KIF1A: variants seen among roughly 807,000 people sequenced by gnomAD.
KIF1A encodes kinesin-like protein KIF1A.
Under a neutral mutation model 227.3 loss-of-function variants are expected in KIF1A, and 46 were observed. The ratio of observed to expected loss-of-function variants is 0.20; its 90% CI spans 0.16 to 0.26. The LOEUF is 0.26. Among genes scored for constraint, KIF1A ranks in the 10% least tolerant of loss-of-function variants. The pLI is 1.00. For missense variants in KIF1A, 1,683 were observed against 2,485.9 expected (o/e 0.68, Z 6.87); for synonymous variants, 1,022 against 1,012.8 (o/e 1.01, Z -0.17).
chr2:240,732,095 A>C (rs1575537202), intron 38 of KIF1A, among the ~76,000 whole-genome samples: 1 of 29,038 alleles, frequency 3.4e-5, no homozygotes, highest in African/African-American at 1.5e-4. Context: ...GGAGGAGGGG[A>C]GGAGAGAATG....
intron 46 of KIF1A, 90 bp from the exon 47 acceptor site, chr2:240,719,288 C>T: frequency 2.8e-6 from 4 of 1,407,586 alleles, no homozygotes; most frequent in Non-Finnish European, 3.8e-6. Flanking sequence ...AGCTGGGACG[C>T]AGCAGTGCCA....
At position 240,816,224 on chromosome 2, in the gene KIF1A, G is replaced by A. The variant is rs147040647; in HGVS notation, c.-61+3898C>T. ...TGCGTGCATAAGCATGTGTGTATGT[G>A]TGTTTGTATGTGAATGTATGTGTGG... On this transcript the variant is annotated intron_variant, in intron 1 of 48. Transcript: ENST00000498729. 2.6e-5 allele frequency among the ~76,000 whole-genome samples: 4 copies of A among 152,146 alleles called. No individual in the cohort carries two copies. In the East Asian group the frequency reaches 7.7e-4, roughly 29 times the overall value.
Position 240,789,764 on chromosome 2 carries a change from G to A in KIF1A, c.107-452C>T, listed in dbSNP as rs936629734. Among the ~76,000 whole-genome samples the A allele has an allele frequency of 5.3e-5, 8 of 152,224 alleles. No individual in the cohort carries two copies. Among genetic ancestry groups the A allele is most frequent in the African/African-American group, 9.6e-5 (4 of 41,536 alleles). On this transcript the variant is annotated intron_variant, in intron 2 of 48. Coordinates refer to ENST00000498729, the MANE Select transcript of KIF1A (RefSeq NM_001244008.2). This position sits in a 1 kb window ranked among gnomAD's most constrained non-coding sequence, Gnocchi z 4.8. ...CGCTGGAAGCCTGGGCGTCCATCACGTTTGTGTTACGCCTGTGCGGTTCTT... is the reference window on the plus strand; with the variant it reads ...CGCTGGAAGCCTGGGCGTCCATCACATTTGTGTTACGCCTGTGCGGTTCTT...
intron 12 of KIF1A, 77 bp downstream of exon 12, chr2:240,774,106 C>T (rs1198880229): frequency 1.1e-6 from 1 of 930,252 alleles, no homozygotes; most frequent in African/African-American, 1.6e-5. Context: ...ACTGGTGCTT[C>T]CTAATTCAAG....
At chr2:240,730,100 T>C (rs955545730) in intron 38 of KIF1A, among the ~76,000 whole-genome samples, 1 of 152,080 alleles carries the variant, frequency 6.6e-6, no homozygotes, top group African/African-American at 2.4e-5. Flanking sequence ...CACTCCTTAG[T>C]CCCCCTATGC....
chr2:240,784,718 C>T (rs1439845127), intron 7 of KIF1A, among the ~76,000 whole-genome samples: 1 of 152,104 alleles, frequency 6.6e-6, no homozygotes, highest in African/African-American at 2.4e-5. Flanking sequence ...CTGCCCCTCC[C>T]GTAAGCCTGG....
rs1349939586 is a variant in KIF1A, at chr2:240,763,153, G to T, written c.1949+13C>A. On this transcript the variant is annotated intron_variant, in intron 21 of 48. Transcript: ENST00000498729. ...GAGGGGCAGCAGGCAGTTGGGGGTG[G>T]CCTCCGCCTCACCTCTGCTCCATCT... The T allele has an allele frequency of 1.2e-6, 2 of 1,606,882 alleles. No individual in the cohort carries two copies. Among genetic ancestry groups the T allele is most frequent in the African/African-American group, 2.7e-5 (2 of 75,008 alleles).
rs61744930 is a variant in KIF1A at position 240,788,180 on chromosome 2, G to T, written c.234C>A (p.Gly78=). The T allele has an allele frequency of 2.2e-5, 35 of 1,613,692 alleles. No individual in the cohort carries two copies. The highest frequency in any genetic ancestry group is 5.3e-5 in the African/African-American group (4 of 74,898). The change falls in exon 4 of 49, where the codon GGC becomes GGA. Residue 78 remains glycine, a synonymous_variant. Coordinates refer to ENST00000498729, the MANE Select transcript of KIF1A (RefSeq NM_001244008.2). This position sits in a 1 kb window ranked among gnomAD's most constrained non-coding sequence, Gnocchi z 6.6. ...CAAAGGCATGCTGCAGCATCTCCTCGCCGATGTCCCGGTACACCTGCTTCT... is the reference window on the plus strand; with the variant it reads ...CAAAGGCATGCTGCAGCATCTCCTCTCCGATGTCCCGGTACACCTGCTTCT... ...ASQKQVYRDI[G]EEMLQHAFEG... is the part of the protein sequence containing the mutation.
At chr2:240,737,280 G>A (rs535086399) in intron 37 of KIF1A, 112 bp from the exon 38 acceptor site, 7 of 820,190 alleles carry the variant, frequency 8.5e-6, no homozygotes, top group Non-Finnish European at 1.5e-5. Context: ...ATGGTCACTA[G>A]AGCGTCTGTC....
At chr2:240,773,416 G>A (rs975091541) in intron 12 of KIF1A, among the ~76,000 whole-genome samples, 160 bp from the exon 13 acceptor site, 47 of 152,124 alleles carry the variant, frequency 3.1e-4, no homozygotes, top group South Asian at 4.1e-4. Flanking sequence ...GTGAGAAATC[G>A]CCCCCATGGC....
At position 240,785,008 on chromosome 2, in the gene KIF1A, G is replaced by C. The variant is rs779509771; in HGVS notation, c.701C>G (p.Thr234Ser). Residue 234 changes from threonine to serine, a missense_variant, in exon 7 of 49, where the codon ACC (threonine) becomes AGC (serine). Around this residue, in one of 12 missense-constraint regions of KIF1A, gnomAD observed 21 missense variants for 35.2 expected, o/e 0.60. Transcript: ENST00000498729. Reference protein sequence around the residue: ...IFTQKRHDAETNITTEKVSKI... With the variant: ...IFTQKRHDAESNITTEKVSKI... The stretch of plus-strand genomic sequence containing the variant: ...ACTCACCTTCTCCGTGGTGATATTG[G>C]TCTCTGCGTCATGGCGCTTCTGGGT... The C allele has an allele frequency of 1.2e-6, 2 of 1,613,514 alleles. No homozygotes were observed. Among genetic ancestry groups the C allele is most frequent in the South Asian group, 2.2e-5 (2 of 91,080 alleles).
chr2:240,721,745 G>C (rs2045415084), intron 44 of KIF1A, 62 bp downstream of exon 44: 26 of 1,341,924 alleles, frequency 1.9e-5, no homozygotes, highest in Non-Finnish European at 2.4e-5. Flanking sequence ...TTTCCTCAGG[G>C]ACCACTGCCT....
chr2:240,742,789 G>C lies in KIF1A; in HGVS notation c.3640+140C>G, dbSNP rs1319642891. On this transcript the variant is annotated intron_variant, in intron 34 of 48. Coordinates refer to ENST00000498729, the MANE Select transcript of KIF1A (RefSeq NM_001244008.2). ...CATGGGGACCCCGTGAGGCCTGACAGGCTCAGGGTGGCGCCAGAGTGCCTG... is the reference window on the plus strand; with the variant it reads ...CATGGGGACCCCGTGAGGCCTGACACGCTCAGGGTGGCGCCAGAGTGCCTG... 16 of 735,264 alleles carry C rather than the reference G, an allele frequency of 2.2e-5. No homozygotes were observed. In the East Asian group the frequency reaches 4.4e-4, roughly 20 times the overall value. 45.5% of individuals were successfully genotyped at this position (735,264 alleles called of 1,614,324 possible).
intron 16 of KIF1A, 28 bp downstream of exon 16, chr2:240,769,599 C>G: frequency 1.3e-6 from 2 of 1,599,640 alleles, no homozygotes; most frequent in Non-Finnish European, 1.7e-6. Context: ...CACCCCTCCC[C>G]CTGGGCCTCA....
chr2:240,764,810 C>T (rs544012602), intron 20 of KIF1A, among the ~76,000 whole-genome samples: 5 of 152,228 alleles, frequency 3.3e-5, no homozygotes, highest in African/African-American at 7.2e-5. Flanking sequence ...CTCATCCAAG[C>T]AGGTGAAGAC....
At position 240,787,971 on chromosome 2, in the gene KIF1A, G is replaced by A. The variant is rs1339582298; in HGVS notation, c.363+80C>T. The stretch of plus-strand genomic sequence containing the variant: ...TGCTCTCTGGGGGCTGCTCTCAGGG[G>A]TGCCTGGCCCGGAGCTCTCAGCCTC... On this transcript the variant is annotated intron_variant, in intron 4 of 48. Transcript: ENST00000498729. 4 of 1,359,572 alleles carry A rather than the reference G, an allele frequency of 2.9e-6. No individual in the cohort carries two copies. In the Admixed American group the frequency reaches 6.2e-5, roughly 21 times the overall value. 84.2% of individuals were successfully genotyped at this position (1,359,572 alleles called of 1,614,324 possible).
intron 17 of KIF1A, among the ~76,000 whole-genome samples, chr2:240,768,483 C>T (rs2125933297): frequency 6.6e-6 from 1 of 152,356 alleles, no homozygotes; most frequent in East Asian, 1.9e-4. Context: ...CATGTCCTGG[C>T]CATCTTTGGG....
chr2:240,725,262 G>T lies in KIF1A; in HGVS notation c.4256+9C>A. 6.3e-7 allele frequency: 1 copy of T among 1,593,082 alleles called. No homozygotes were observed. On this transcript the variant is annotated intron_variant, in intron 40 of 48. Coordinates refer to ENST00000498729, the MANE Select transcript of KIF1A (RefSeq NM_001244008.2). The surrounding 1 kb of genome is among the most constrained non-coding windows in gnomAD (Gnocchi z 5.8). ...GGAGTCCATGTGGTCCTCACCCCTGGGAGCTTACCTCTCTGAGGCCCGAAG... is the reference window on the plus strand; with the variant it reads ...GGAGTCCATGTGGTCCTCACCCCTGTGAGCTTACCTCTCTGAGGCCCGAAG...
intron 33 of KIF1A, 130 bp from the exon 34 acceptor site, chr2:240,743,114 A>G: frequency 1.4e-6 from 1 of 694,720 alleles, no homozygotes; most frequent in Non-Finnish European, 2.3e-6. Context: ...AAGACCGTCC[A>G]CCAGCTTGGG....
Sources: gnomAD v4.1 joint callset for allele counts (sites outside exome capture counted in the v4.1 genomes callset) on GRCh38, gnomAD v4.1.1 for gene constraint, gnomAD v4.1.1 regional missense constraint, Gnocchi (gnomAD v3.1) non-coding constraint, MANE v1.5 for transcripts, NCBI Gene and HGNC (gene_info 2026-07-23, HGNC 2026-07-21) for gene names.